The following CAMKMT variants were observed in gnomAD, a reference collection of about 807,000 sequenced individuals.
The protein encoded by CAMKMT is calmodulin-lysine N-methyltransferase, also known as CaM KMT.
Under a neutral mutation model 48.0 loss-of-function variants are expected in CAMKMT, and 53 were observed. The observed-to-expected ratio is 1.10, with a 90% confidence interval of 0.89 to 1.39. CAMKMT has a LOEUF of 1.39. CAMKMT is among the 40% of genes most tolerant of loss of function. The pLI is 0.00. For missense variants in CAMKMT, 428 were observed against 402.7 expected (o/e 1.06, Z -0.54); for synonymous variants, 165 against 152.3 (o/e 1.08, Z -0.61).
intron 3 of CAMKMT, among the ~76,000 whole-genome samples, chr2:44,698,233 T>G (rs1470568946): frequency 6.6e-6 from 1 of 152,212 alleles, no homozygotes; most frequent in Non-Finnish European, 1.5e-5. Flanking sequence ...CTTATACTCA[T>G]TGGCAGTCAT....
At chr2:44,362,556 G>T (rs993217093) in intron 1 of CAMKMT, among the ~76,000 whole-genome samples, 1 of 152,066 alleles carries the variant, frequency 6.6e-6, no homozygotes, top group East Asian at 1.9e-4. Flanking sequence ...ACCGATATTC[G>T]TCTGCACCCT....
chr2:44,568,681 G>T (rs546038820), intron 3 of CAMKMT, among the ~76,000 whole-genome samples: 1 of 152,238 alleles, frequency 6.6e-6, no homozygotes, highest in Admixed American at 6.5e-5. Flanking sequence ...GTCCATGAGG[G>T]CACCTCATGG....
At chr2:44,521,703 A>T (rs921177812) in intron 3 of CAMKMT, among the ~76,000 whole-genome samples, 2 of 152,210 alleles carry the variant, frequency 1.3e-5, no homozygotes, top group African/African-American at 4.8e-5. Context: ...TGCAGATCCC[A>T]TGCTCTCAGC....
chr2:44,403,949 A>C (rs1203134113), intron 3 of CAMKMT, among the ~76,000 whole-genome samples: 3 of 152,132 alleles, frequency 2.0e-5, no homozygotes, highest in African/African-American at 7.2e-5. Flanking sequence ...CTCAGATGTC[A>C]CCTATAAAGC....
chr2:44,588,340 G>A (rs1402090780), intron 3 of CAMKMT, among the ~76,000 whole-genome samples: 1 of 85,698 alleles, frequency 1.2e-5, no homozygotes, highest in Admixed American at 1.2e-4. Context: ...CAGCCGCCCC[G>A]TCCGGGAGGG....
chr2:44,380,660 A>T (rs1185787389), intron 2 of CAMKMT, among the ~76,000 whole-genome samples: 1 of 152,226 alleles, frequency 6.6e-6, no homozygotes, highest in African/African-American at 2.4e-5. Flanking sequence ...CTATAATTAG[A>T]ACTAACTTCT....
chr2:44,397,207 T>G (rs1681935968), intron 3 of CAMKMT, among the ~76,000 whole-genome samples: 1 of 152,216 alleles, frequency 6.6e-6, no homozygotes, highest in South Asian at 2.1e-4. Flanking sequence ...ATTTTAACCC[T>G]TTCTTAGGTT....
At chr2:44,682,728 C>T (rs1414923245) in intron 3 of CAMKMT, among the ~76,000 whole-genome samples, 1 of 152,164 alleles carries the variant, frequency 6.6e-6, no homozygotes, top group South Asian at 2.1e-4. Context: ...AATCGAGAAA[C>T]GTTGAAAATA....
intron 3 of CAMKMT, among the ~76,000 whole-genome samples, chr2:44,616,227 A>G (rs555074548): frequency 1.6e-4 from 24 of 152,182 alleles, no homozygotes; most frequent in South Asian, 1.2e-3. Flanking sequence ...CCCAATCTCC[A>G]TATTCAGCTG....
intron 3 of CAMKMT, among the ~76,000 whole-genome samples, chr2:44,431,869 G>T (rs779622411): frequency 9.2e-5 from 14 of 152,170 alleles, no homozygotes; most frequent in Admixed American, 2.0e-4. Context: ...TAGCTCAATT[G>T]TAAGTGTTCA....
At chr2:44,652,528 C>G (rs1224659444) in intron 3 of CAMKMT, among the ~76,000 whole-genome samples, 3 of 152,192 alleles carry the variant, frequency 2.0e-5, no homozygotes, top group Admixed American at 1.3e-4. Flanking sequence ...CTATGGTTGA[C>G]TAGGCTTTGA....
chr2:44,612,561 C>G (rs1353555584), intron 3 of CAMKMT, among the ~76,000 whole-genome samples: 2 of 152,100 alleles, frequency 1.3e-5, no homozygotes, highest in Non-Finnish European at 2.9e-5. Flanking sequence ...GGACTAAATA[C>G]TTATTTAGTA....
chr2:44,512,893 G>C (rs1285849987), intron 3 of CAMKMT, among the ~76,000 whole-genome samples: 3 of 152,126 alleles, frequency 2.0e-5, no homozygotes, highest in African/African-American at 7.2e-5. Context: ...GAAGAGCTTG[G>C]AATGATATGA....
chr2:44,425,080 A>G (rs887287354), intron 3 of CAMKMT, among the ~76,000 whole-genome samples: 1 of 151,744 alleles, frequency 6.6e-6, no homozygotes, highest in Non-Finnish European at 1.5e-5. Context: ...TTGTGACTCA[A>G]AGTTAAAGAA....
chr2:44,695,442 T>C (rs1162995815), intron 3 of CAMKMT, among the ~76,000 whole-genome samples: 2 of 152,166 alleles, frequency 1.3e-5, no homozygotes, highest in Admixed American at 6.5e-5. Flanking sequence ...CCAGAATGAG[T>C]GAATGAAACC....
chr2:44,712,782 G>A (rs181870218), intron 6 of CAMKMT, among the ~76,000 whole-genome samples: 64 of 152,174 alleles, frequency 4.2e-4, no homozygotes, highest in Non-Finnish European at 6.9e-4. Flanking sequence ...TGGACATATC[G>A]ACTCAATGTG....
intron 3 of CAMKMT, among the ~76,000 whole-genome samples, chr2:44,611,267 AC>A (rs2103896305): frequency 6.6e-6 from 1 of 152,166 alleles, no homozygotes; most frequent in Non-Finnish European, 1.5e-5. Flanking sequence ...CCCCATCTCT[AC>A]TTAAAATACA....
intron 3 of CAMKMT, among the ~76,000 whole-genome samples, chr2:44,601,719 A>G (rs1271783322): frequency 6.6e-6 from 1 of 151,898 alleles, no homozygotes; most frequent in Non-Finnish European, 1.5e-5. Flanking sequence ...AAGACATTGA[A>G]TACCTTTGTT....
chr2:44,711,950 T>C (rs1409930276), intron 6 of CAMKMT, among the ~76,000 whole-genome samples: 1 of 152,162 alleles, frequency 6.6e-6, no homozygotes, highest in Non-Finnish European at 1.5e-5. Flanking sequence ...ACTTAAACCA[T>C]TCTGGGTCAC....
Sources: allele counts gnomAD v4.1 joint callset (sites outside exome capture counted in the v4.1 genomes callset), GRCh38; gene constraint gnomAD v4.1.1; transcripts MANE v1.5; gene names NCBI Gene and HGNC (gene_info 2026-07-23, HGNC 2026-07-21).